ADAMTSL1: variants seen among roughly 807,000 people sequenced by gnomAD.
ADAMTSL1 encodes the protein ADAMTS-like protein 1.
Under a neutral mutation model 201.8 loss-of-function variants are expected in ADAMTSL1, and 126 were observed. The observed-to-expected ratio is 0.62, with a 90% CI of 0.54 to 0.72. The LOEUF is 0.72. Among genes scored for constraint, ADAMTSL1 ranks in the 30% least tolerant of loss-of-function variants. The pLI is 0.00. For synonymous variants in ADAMTSL1, 1,121 were observed against 903.4 expected (o/e 1.24, Z -4.32); for missense variants, 2,679 against 2,277.8 (o/e 1.18, Z -3.59).
intron 2 of ADAMTSL1, among the ~76,000 whole-genome samples, chr9:18,525,344 T>C (rs1442392630): frequency 6.6e-6 from 1 of 152,356 alleles, no homozygotes; most frequent in East Asian, 1.9e-4. Flanking sequence ...TCTTCTTTAT[T>C]ACTCTTGCTA....
In ADAMTSL1 at chr9:18,661,863, G is replaced by C. The variant is rs1051434307; in HGVS notation, c.947-72G>C. On this transcript the variant is annotated intron_variant, in intron 8 of 28. Coordinates refer to ENST00000380548, the MANE Select transcript of ADAMTSL1 (RefSeq NM_001040272.6). ...GAATAATTTCCATTGATGTGAGCTG[G>C]CCAAAATGCATAAAGAAATATATTG... 3.2e-5 allele frequency: 48 copies of C among 1,486,524 alleles called. 1 individual carries two copies. In the Admixed American group the frequency reaches 1.0e-3, roughly 32 times the overall value. The allele number at this position is 1,486,524 out of a possible 1,614,324, so 92.1% of individuals were successfully genotyped here.
intron 1 of ADAMTSL1, among the ~76,000 whole-genome samples, chr9:17,940,760 G>A (rs57051926): frequency 2.1e-4 from 22 of 103,670 alleles, no homozygotes; most frequent in East Asian, 1.7e-3. Context: ...ACCCTAACTC[G>A]AAAAATAAAT....
At chr9:18,448,738 T>C (rs930929374) in intron 2 of ADAMTSL1, among the ~76,000 whole-genome samples, 7 of 152,170 alleles carry the variant, frequency 4.6e-5, no homozygotes, top group African/African-American at 1.7e-4. Flanking sequence ...TATTTTATGA[T>C]TGAAAGTTTT....
chr9:18,042,183 G>A (rs533686232), intron 1 of ADAMTSL1, among the ~76,000 whole-genome samples: 1 of 151,644 alleles, frequency 6.6e-6, no homozygotes, highest in East Asian at 1.9e-4. Flanking sequence ...AGCCATGAAA[G>A]CTTAAGTGAT....
At chr9:18,577,896 A>C (rs564528639) in intron 4 of ADAMTSL1, among the ~76,000 whole-genome samples, 1 of 152,296 alleles carries the variant, frequency 6.6e-6, no homozygotes, top group East Asian at 1.9e-4. Flanking sequence ...ATCACAAGGA[A>C]GTAGTAAGAA....
chr9:18,321,244 TAAG>T (rs767177688), intron 2 of ADAMTSL1, among the ~76,000 whole-genome samples: 393 of 152,178 alleles, frequency 2.6e-3, no homozygotes, highest in Non-Finnish European at 4.7e-3. Context: ...AAAGAGTTAA[TAAG>T]AAGACAAAAG....
At chr9:18,227,521 G>T (rs1830475588) in intron 2 of ADAMTSL1, among the ~76,000 whole-genome samples, 1 of 152,142 alleles carries the variant, frequency 6.6e-6, no homozygotes, top group African/African-American at 2.4e-5. Flanking sequence ...AACAAGCTGT[G>T]TTTGAAGCTA....
chr9:18,675,858 G>A lies in ADAMTSL1; in HGVS notation c.1087G>A (p.Asp363Asn). 1 of 1,613,006 alleles carries A rather than the reference G, an allele frequency of 6.2e-7. No individual in the cohort carries two copies. The highest frequency in any genetic ancestry group is 8.5e-7 in the Non-Finnish European group (1 of 1,179,198). Residue 363 changes from aspartate to asparagine, a missense_variant and splice_region_variant, in exon 10 of 29, where the codon GAC (aspartate) becomes AAC (asparagine). By Grantham distance (23) the Asp-to-Asn change is conservative. Transcript: ENST00000380548. Reference protein sequence around the residue: ...ECNLDPCPASDGYKQIMPYDL... With the variant: ...ECNLDPCPASNGYKQIMPYDL... Reference sequence around the variant, plus strand: ...GGTTGGCATTATTGTTCCTAACAGTGACGGATACAAGCAGATCATGCCTTA... The same window carrying A: ...GGTTGGCATTATTGTTCCTAACAGTAACGGATACAAGCAGATCATGCCTTA...
At chr9:18,362,873 A>G (rs1050078118) in intron 2 of ADAMTSL1, among the ~76,000 whole-genome samples, 2 of 152,224 alleles carry the variant, frequency 1.3e-5, no homozygotes, top group South Asian at 2.1e-4. Context: ...TGAAAGCAAC[A>G]AACTGTTGAT....
intron 2 of ADAMTSL1, among the ~76,000 whole-genome samples, chr9:18,342,119 C>A (rs991700598): frequency 4.6e-5 from 7 of 152,076 alleles, no homozygotes; most frequent in African/African-American, 9.7e-5. Flanking sequence ...ATCTTACTCC[C>A]AGTTCTTCTT....
chr9:18,246,791 G>A (rs35631237), intron 2 of ADAMTSL1, among the ~76,000 whole-genome samples: 23,598 of 151,980 alleles, frequency 0.16, 2,069 homozygotes, highest in East Asian at 0.24. Flanking sequence ...CATAACCACG[G>A]CACCACTATC....
In ADAMTSL1 at chr9:18,680,454, C is replaced by A. The variant is rs190371929; in HGVS notation, c.1279C>A (p.Pro427Thr). The A allele has an allele frequency of 6.2e-7, 1 of 1,614,174 alleles. No individual in the cohort carries two copies. The highest frequency in any genetic ancestry group is 2.2e-5 in the East Asian group (1 of 44,880). ...GAAATGCATGTACACCCCTAAGATG[C>A]CCATCGCGCAGCCCTGCAACATTTT... Reference protein sequence around the residue: ...EWKCMYTPKMPIAQPCNIFDC... With the variant: ...EWKCMYTPKMTIAQPCNIFDC... The change falls in exon 11 of 29, where the codon CCC (proline) becomes ACC (threonine). Residue 427 changes from proline (P) to threonine (T), a missense_variant. Coordinates refer to ENST00000380548, the MANE Select transcript of ADAMTSL1 (RefSeq NM_001040272.6).
intron 2 of ADAMTSL1, among the ~76,000 whole-genome samples, chr9:18,442,555 C>A (rs1027769376): frequency 2.0e-5 from 3 of 152,160 alleles, no homozygotes; most frequent in African/African-American, 7.2e-5. Flanking sequence ...GAAAAAAAAT[C>A]ATGGGTCCTC....
chr9:18,652,650 T>C (rs34436139), intron 7 of ADAMTSL1, among the ~76,000 whole-genome samples: 17,930 of 152,248 alleles, frequency 0.12, 1,328 homozygotes, highest in Non-Finnish European at 0.17. Context: ...TTTTGCCCAA[T>C]TGTAGCCCAG....
intron 12 of ADAMTSL1, among the ~76,000 whole-genome samples, chr9:18,682,353 C>A (rs545173927): frequency 6.6e-6 from 1 of 152,228 alleles, no homozygotes; most frequent in Admixed American, 6.5e-5. Context: ...GGCTGAAGTA[C>A]ATTGGGAAGT....
intron 1 of ADAMTSL1, among the ~76,000 whole-genome samples, chr9:18,044,786 A>C (rs1207672549): frequency 6.6e-6 from 1 of 152,186 alleles, no homozygotes; most frequent in Non-Finnish European, 1.5e-5. Context: ...CAACACAGAA[A>C]GTTATCAGCA....
At chr9:18,490,225 A>G (rs1318299035) in intron 1 of ADAMTSL1, among the ~76,000 whole-genome samples, 1 of 152,154 alleles carries the variant, frequency 6.6e-6, no homozygotes, top group Non-Finnish European at 1.5e-5. Flanking sequence ...TATCACATAG[A>G]AGACCACTGC....
chr9:18,762,693 T>C (rs1394808543), intron 16 of ADAMTSL1, among the ~76,000 whole-genome samples: 1 of 151,906 alleles, frequency 6.6e-6, no homozygotes, highest in Non-Finnish European at 1.5e-5. Flanking sequence ...CCGCTCTCTA[T>C]GTCCATGAGT....
At position 17,937,765 on chromosome 9, in the gene ADAMTSL1, A is replaced by G. The variant is rs1827076353; in HGVS notation, c.87+30843A>G. On this transcript the variant is annotated intron_variant, in intron 1 of 29. Transcript: ENST00000680146. The stretch of plus-strand genomic sequence containing the variant: ...AACAATAAAACACTCCTCTACCAAC[A>G]GCAACAAAACATACAACTAGAAATT... Among the ~76,000 whole-genome samples the G allele has an allele frequency of 3.3e-5, 5 of 152,208 alleles. No individual in the cohort carries two copies. The South Asian group carries it at 8.3e-4, about 25-fold the overall frequency.
Sources: gnomAD v4.1 joint callset for allele counts (sites outside exome capture counted in the v4.1 genomes callset) on GRCh38, gnomAD v4.1.1 for gene constraint, MANE v1.5 for transcripts, NCBI Gene and HGNC (gene_info 2026-07-23, HGNC 2026-07-21) for gene names.